Variants in PCDH10 observed in about 807,000 individuals in gnomAD.
PCDH10 encodes protocadherin-10.
PCDH10 carries 15 observed loss-of-function variants against 74.4 expected under a neutral mutation model. The observed-to-expected ratio is 0.20, with a 90% CI of 0.13 to 0.31. PCDH10 has a LOEUF of 0.31. Ranked by LOEUF, PCDH10 falls within the 10% of genes least tolerant of loss-of-function variation. The pLI, the probability that PCDH10 is intolerant of heterozygous loss-of-function variation, is 1.00. For synonymous variants in PCDH10, 619 were observed against 589.8 expected, an observed-to-expected ratio of 1.05 and a Z score of -0.72; for missense variants, 1,260 against 1,390.2, an observed-to-expected ratio of 0.91 and a Z score of 1.49.
chr4:133,164,145 T>C, intron 4 of PCDH10: 1 of 360,328 alleles, frequency 2.8e-6, no homozygotes, highest in Non-Finnish European at 5.4e-6. Context: ...ACTTTAGCAC[T>C]TCAGAACCAA....
rs1727006407 is a variant in PCDH10, at chr4:133,163,162, G to A, written c.2983G>A (p.Gly995Arg). ...EVFETPEAQP[G>R]AERSFSTFGK... ...GTTTGAAACTCCAGAAGCCCAGCCTGGGGCAGAGCGGTCCTTTTCCACCTT... is the reference window on the plus strand; with the variant it reads ...GTTTGAAACTCCAGAAGCCCAGCCTAGGGCAGAGCGGTCCTTTTCCACCTT... Residue 995 changes from glycine to arginine, a missense_variant, in exon 4 of 5, where the codon GGG (glycine) becomes AGG (arginine). Physicochemically the swap from Gly to Arg is moderately radical, Grantham distance 125. Transcript: ENST00000264360. 3 of 1,614,136 alleles carry A rather than the reference G, an allele frequency of 1.9e-6. No homozygotes were observed. The highest frequency in any genetic ancestry group is 2.5e-6 in the Non-Finnish European group (3 of 1,180,018).
At chr4:133,180,743 G>A (rs1727399372) in intron 4 of PCDH10, among the ~76,000 whole-genome samples, 1 of 151,816 alleles carries the variant, frequency 6.6e-6, no homozygotes, top group African/African-American at 2.4e-5. Context: ...ACTTTGCTAT[G>A]TAATTAAATG....
At chr4:133,168,469 G>T (rs1727134028) in intron 4 of PCDH10, among the ~76,000 whole-genome samples, 1 of 151,358 alleles carries the variant, frequency 6.6e-6, no homozygotes, top group South Asian at 2.1e-4. Flanking sequence ...ATAATTATCT[G>T]TAATATTTAA....
At chr4:133,206,896 T>C (rs1332439529) in intron 2 of PCDH10, among the ~76,000 whole-genome samples, 2 of 152,188 alleles carry the variant, frequency 1.3e-5, no homozygotes, top group East Asian at 1.9e-4. Flanking sequence ...AGATTTTTTA[T>C]TGCTGTTGTT....
rs557899704 is a variant in PCDH10 at position 133,202,780 on chromosome 4, G to A, written n.438-5296G>A. Among the ~76,000 whole-genome samples, 6 of 152,252 alleles carry A rather than the reference G, an allele frequency of 3.9e-5. No homozygotes were observed. In the East Asian group the frequency reaches 1.2e-3, roughly 29 times the overall value. On this transcript the variant is annotated intron_variant and non_coding_transcript_variant, in intron 2 of 2. Coordinates refer to the PCDH10 transcript ENST00000511112. ...CATCCTGACTAATGGATGAAAAGCA[G>A]TAAAGGTCCATTGAGCTCCATCATG...
intron 4 of PCDH10, among the ~76,000 whole-genome samples, chr4:133,169,439 T>A (rs1283725405): frequency 6.6e-6 from 1 of 151,870 alleles, no homozygotes; most frequent in Non-Finnish European, 1.5e-5. Context: ...TTCAACTGTT[T>A]TTCAAAGCAG....
intron 2 of PCDH10, among the ~76,000 whole-genome samples, chr4:133,207,009 TAAAC>T (rs1241940689): frequency 6.6e-6 from 1 of 152,118 alleles, no homozygotes; most frequent in East Asian, 1.9e-4. Flanking sequence ...TACATGTCAA[TAAAC>T]AAAATAATAA....
rs190213775 is a variant in PCDH10, at chr4:133,169,534, C to T, written c.3103+6252C>T. Among the ~76,000 whole-genome samples the T allele has an allele frequency of 6.8e-3, 1,032 of 151,860 alleles. 9 individuals carry two copies. The highest frequency in any genetic ancestry group is 0.031 in the Middle Eastern group (9 of 290). On this transcript the variant is annotated intron_variant, in intron 4 of 4. Transcript: ENST00000264360. ...ATATACCTCATTTTATATTACATAT[C>T]GTTTTCATCCTCTTTCTTATTTTGT...
In PCDH10 at chr4:133,180,871, A is replaced by G. The variant is rs1727401895; in HGVS notation, c.3104-9270A>G. On this transcript the variant is annotated intron_variant, in intron 4 of 4. Coordinates refer to ENST00000264360, the MANE Select transcript of PCDH10 (RefSeq NM_032961.3). ...ATTAGAATGTAATTAAATAAATTTT[A>G]ACCTTTAACAAGCAGGATATTATCT... is the stretch of plus-strand genomic sequence containing the variant. 2.6e-5 allele frequency among the ~76,000 whole-genome samples: 4 copies of G among 151,990 alleles called. No homozygotes were observed. The South Asian group carries it at 8.3e-4, about 32-fold the overall frequency.
In PCDH10 at chr4:133,192,954, A is replaced by C. The variant is rs1439617011; in HGVS notation, c.*2794A>C. On this transcript the variant is annotated 3_prime_UTR_variant, in exon 5 of 5. Transcript: ENST00000264360. ...GTCATTCTAATATCCAATCTTACAT[A>C]ATTTTATATACATCAAAGAATAATA... The C allele has an allele frequency of 6.6e-6, 1 of 151,664 alleles. No homozygotes were observed. The highest frequency in any genetic ancestry group is 2.4e-5 in the African/African-American group (1 of 41,408). The allele number at this position is 151,664 out of a possible 1,614,324, so 9.4% of individuals were successfully genotyped here. A position where few individuals can be genotyped will look rare whatever the true frequency, so the allele number is the denominator to read the frequency against.
At chr4:133,153,180 G>T (rs1480682424) in intron 1 of PCDH10, 14 of 1,098,092 alleles carry the variant, frequency 1.3e-5, no homozygotes. Context: ...AATAAAGTTG[G>T]CTCTATTTTG....
intron 1 of PCDH10, chr4:133,153,957 A>G (rs903262975): frequency 4.8e-6 from 1 of 206,790 alleles, no homozygotes; most frequent in Non-Finnish European, 9.5e-6. Flanking sequence ...TTTTTAAGCC[A>G]CTGAAGGAAA....
chr4:133,200,484 C>A (rs545991754), intron 2 of PCDH10, among the ~76,000 whole-genome samples: 2 of 152,172 alleles, frequency 1.3e-5, no homozygotes, highest in African/African-American at 4.8e-5. Context: ...CTTTCCTATG[C>A]ATCTGAGTTC....
At chr4:133,157,994 C>CT (rs1339084269) in intron 3 of PCDH10, among the ~76,000 whole-genome samples, 1 of 152,054 alleles carries the variant, frequency 6.6e-6, no homozygotes, top group East Asian at 1.9e-4. Context: ...CTCTGTGGCA[C>CT]TTTCTTTCTA....
downstream of PCDH10, among the ~76,000 whole-genome samples, chr4:133,195,613 A>C (rs1452168298): frequency 1.3e-5 from 2 of 152,116 alleles, no homozygotes; most frequent in Non-Finnish European, 2.9e-5. Context: ...GAATGGTACT[A>C]TCTGCCTTTA....
At position 133,190,576 on chromosome 4, in the gene PCDH10, A is replaced by G. The variant is rs1472160392; in HGVS notation, c.*416A>G. The G allele has an allele frequency of 6.2e-6, 1 of 161,188 alleles. No homozygotes were observed. Among genetic ancestry groups the G allele is most frequent in the Non-Finnish European group, 1.4e-5 (1 of 73,826 alleles). 10.0% of individuals were successfully genotyped at this position (161,188 alleles called of 1,614,324 possible). On this transcript the variant is annotated 3_prime_UTR_variant, in exon 5 of 5. Transcript: ENST00000264360. ...GTTTTATATTATTTTTGTGTGATCA[A>G]GTGTTCCGCAAGCTATTCCAACTTT...
chr4:133,151,777 G>A lies in PCDH10; in HGVS notation c.1637G>A (p.Arg546Gln), dbSNP rs1162456535. The A allele has an allele frequency of 1.2e-6, 2 of 1,613,112 alleles. No individual in the cohort carries two copies. The highest frequency in any genetic ancestry group is 2.2e-5 in the East Asian group (1 of 44,856). Reference protein sequence around the residue: ...LKDFSFQVEARDAGSPQALAG... With the variant: ...LKDFSFQVEAQDAGSPQALAG... ...GACTTCAGTTTTCAGGTGGAAGCCC[G>A]GGACGCTGGCAGCCCCCAGGCGCTG... The change falls in exon 1 of 5, where the codon CGG (arginine) becomes CAG (glutamine). Residue 546 changes from arginine (R) to glutamine (Q), a missense_variant. Coordinates refer to ENST00000264360, the MANE Select transcript of PCDH10 (RefSeq NM_032961.3).
chr4:133,185,503 A>G (rs1727526783), intron 4 of PCDH10, among the ~76,000 whole-genome samples: 1 of 152,208 alleles, frequency 6.6e-6, no homozygotes, highest in Non-Finnish European at 1.5e-5. Context: ...ATGGAGGCTC[A>G]CTTTAAAACT....
chr4:133,164,468 A>G (rs1351874159), intron 4 of PCDH10, among the ~76,000 whole-genome samples: 3 of 152,054 alleles, frequency 2.0e-5, no homozygotes, highest in African/African-American at 7.2e-5. Flanking sequence ...TGTACATTAT[A>G]GAAATACATT....
Sources: gnomAD v4.1 joint callset for allele counts (sites outside exome capture counted in the v4.1 genomes callset) on GRCh38, gnomAD v4.1.1 for gene constraint, MANE v1.5 for transcripts, NCBI Gene and HGNC (gene_info 2026-07-23, HGNC 2026-07-21) for gene names.